The following BCAS1 variants were observed in gnomAD, a reference collection of about 807,000 sequenced individuals.
BCAS1 encodes brain enriched myelin associated protein 1.
Under a neutral mutation model 65.4 loss-of-function variants are expected in BCAS1, and 46 were observed. The observed-to-expected ratio is 0.70, with a 90% CI of 0.55 to 0.90. BCAS1 has a LOEUF of 0.90. Among genes scored for constraint, BCAS1 ranks in the 40% least tolerant of loss-of-function variants. The pLI, the probability that BCAS1 is intolerant of heterozygous loss-of-function variation, is 0.00. For synonymous variants in BCAS1, 298 were observed against 293.5 expected (o/e 1.02, Z -0.16); for missense variants, 793 against 771.2 (o/e 1.03, Z -0.33).
At chr20:53,974,623 CGGTTTCT>C (rs2090276971) in intron 9 of BCAS1, among the ~76,000 whole-genome samples, 1 of 152,184 alleles carries the variant, frequency 6.6e-6, no homozygotes, top group African/African-American at 2.4e-5. Context: ...TGATAATGTT[CGGTTTCT>C]ATCTCAAGGA....
intron 1 of BCAS1, 88 bp from the exon 2 acceptor site, chr20:54,058,811 C>A: frequency 6.9e-7 from 1 of 1,444,796 alleles, no homozygotes; most frequent in Non-Finnish European, 9.4e-7. Context: ...GCCTGACAAG[C>A]CGCCCATGGC....
chr20:53,958,233 G>T (rs2089763196), intron 10 of BCAS1, among the ~76,000 whole-genome samples: 1 of 152,204 alleles, frequency 6.6e-6, no homozygotes, highest in South Asian at 2.1e-4. Flanking sequence ...CAGCAAGTTG[G>T]CCATATACAG....
intron 4 of BCAS1, among the ~76,000 whole-genome samples, chr20:54,010,948 T>C (rs1217389873): frequency 6.6e-6 from 1 of 152,128 alleles, no homozygotes; most frequent in African/African-American, 2.4e-5. Context: ...CAGACGACTT[T>C]TGACAAAGGT....
chr20:54,069,587 G>T (rs1410464597), intron 1 of BCAS1, among the ~76,000 whole-genome samples: 1 of 152,152 alleles, frequency 6.6e-6, no homozygotes, highest in African/African-American at 2.4e-5. Context: ...TCTTCACCCA[G>T]CTTCATGTTC....
chr20:53,944,576 T>C lies in BCAS1; in HGVS notation c.*346A>G, dbSNP rs778735552. The C allele has an allele frequency of 2.0e-5, 5 of 243,920 alleles. No homozygotes were observed. Among genetic ancestry groups the C allele is most frequent in the East Asian group, 1.9e-4 (2 of 10,396 alleles). The allele number at this position is 243,920 out of a possible 1,614,324, so 15.1% of individuals were successfully genotyped here. A position where few individuals can be genotyped will look rare whatever the true frequency, so the allele number is the denominator to read the frequency against. On this transcript the variant is annotated 3_prime_UTR_variant, in exon 13 of 13. Coordinates refer to ENST00000688948, the MANE Select transcript of BCAS1 (RefSeq NM_001366298.2). Reference sequence around the variant, plus strand: ...CACCTGCCTCGGCCTCCCAAAGTGCTGAGATTACAGGCGAGAGCCACCACG... The same window carrying C: ...CACCTGCCTCGGCCTCCCAAAGTGCCGAGATTACAGGCGAGAGCCACCACG...
intron 4 of BCAS1, among the ~76,000 whole-genome samples, chr20:54,013,727 A>G (rs2091371735): frequency 6.6e-6 from 1 of 152,234 alleles, no homozygotes; most frequent in South Asian, 2.1e-4. Flanking sequence ...AACTCATGGT[A>G]CAACCATTCA....
chr20:54,009,589 A>T (rs2091278009), intron 4 of BCAS1, among the ~76,000 whole-genome samples: 1 of 152,210 alleles, frequency 6.6e-6, no homozygotes, highest in Non-Finnish European at 1.5e-5. Flanking sequence ...AAAAACTTCC[A>T]GGAAAGAAGT....
At chr20:53,981,263 T>A (rs1163382582) in intron 8 of BCAS1, among the ~76,000 whole-genome samples, 1 of 152,206 alleles carries the variant, frequency 6.6e-6, no homozygotes, top group Non-Finnish European at 1.5e-5. Context: ...GGTCAGCCCA[T>A]CTTTCAAGTG....
intron 3 of BCAS1, among the ~76,000 whole-genome samples, chr20:54,035,576 G>C (rs1212053047): frequency 6.6e-6 from 1 of 151,118 alleles, no homozygotes; most frequent in Non-Finnish European, 1.5e-5. Flanking sequence ...TGAGGTAGTG[G>C]AGAGAAAGGA....
chr20:53,959,480 C>T lies in BCAS1; in HGVS notation c.1486-1983G>A, dbSNP rs540881300. Reference sequence around the variant, plus strand: ...TGTTGGCCAGGCTGGTCTCAAACTCCTGACCTCAAATGATCCACCCGCCTC... The same window carrying T: ...TGTTGGCCAGGCTGGTCTCAAACTCTTGACCTCAAATGATCCACCCGCCTC... On this transcript the variant is annotated intron_variant, in intron 10 of 12. Transcript: ENST00000688948. Among the ~76,000 whole-genome samples the T allele has an allele frequency of 9.8e-5, 15 of 152,320 alleles. No homozygotes were observed. The South Asian group carries it at 3.1e-3, about 32-fold the overall frequency.
chr20:53,952,834 A>G (rs769451598), intron 12 of BCAS1, among the ~76,000 whole-genome samples: 6 of 152,234 alleles, frequency 3.9e-5, no homozygotes, highest in Non-Finnish European at 5.9e-5. Flanking sequence ...TGCTCATGCC[A>G]CTGGGCAGTG....
In BCAS1 at chr20:53,992,517, G is replaced by A; in HGVS notation, c.1057C>T (p.His353Tyr). ...LGLAFRKFFR[H>Y]KGAEKSPTTS... ...TACTTTAATAAGATACAGACCTTATGCCTAAAGAATTTTCTAAAGGCGAGT... is the reference window on the plus strand; with the variant it reads ...TACTTTAATAAGATACAGACCTTATACCTAAAGAATTTTCTAAAGGCGAGT... Residue 353 changes from histidine to tyrosine, a missense_variant, in exon 7 of 13, where the codon CAT becomes TAT. His to Tyr is a moderately conservative substitution (Grantham distance 83). Transcript: ENST00000688948. The A allele has an allele frequency of 2.2e-6, 3 of 1,365,598 alleles. No individual in the cohort carries two copies. Among genetic ancestry groups the A allele is most frequent in the Non-Finnish European group, 2.9e-6 (3 of 1,021,650 alleles). The allele number at this position is 1,365,598 out of a possible 1,614,324, so 84.6% of individuals were successfully genotyped here.
chr20:53,987,309 T>C (rs1232561046), intron 7 of BCAS1, among the ~76,000 whole-genome samples: 1 of 152,226 alleles, frequency 6.6e-6, no homozygotes, highest in Non-Finnish European at 1.5e-5. Context: ...GTATACAAAA[T>C]GGCAAAATGT....
intron 3 of BCAS1, among the ~76,000 whole-genome samples, chr20:54,032,321 C>A (rs1436231058): frequency 6.6e-6 from 1 of 151,226 alleles, no homozygotes; most frequent in Non-Finnish European, 1.5e-5. Context: ...TGCAACAGTT[C>A]CTAAAGGAAG....
intron 12 of BCAS1, 29 bp from the exon 13 acceptor site, chr20:53,945,025 C>A: frequency 1.9e-6 from 3 of 1,602,022 alleles, no homozygotes; most frequent in Non-Finnish European, 2.6e-6. Flanking sequence ...ACGTGGCAGC[C>A]TATTGAAGCT....
chr20:53,955,042 G>A (rs1412697030), intron 11 of BCAS1, among the ~76,000 whole-genome samples: 1 of 152,230 alleles, frequency 6.6e-6, no homozygotes, highest in Non-Finnish European at 1.5e-5. Context: ...CCGGATACAT[G>A]TGTATAAGCA....
At chr20:53,967,214 A>T (rs2090057872) in intron 9 of BCAS1, 141 bp from the exon 10 acceptor site, 3 of 821,642 alleles carry the variant, frequency 3.7e-6, no homozygotes, top group South Asian at 1.9e-5. Flanking sequence ...ACACAGGCAC[A>T]TCTTGGAGAA....
intron 3 of BCAS1, among the ~76,000 whole-genome samples, chr20:54,035,150 C>T (rs759759845): frequency 4.0e-5 from 6 of 151,148 alleles, no homozygotes; most frequent in Non-Finnish European, 7.4e-5. Flanking sequence ...TGGTGGCTCA[C>T]GCTTGTAATC....
At chr20:53,952,138 T>C (rs757554007) in intron 12 of BCAS1, among the ~76,000 whole-genome samples, 9 of 152,264 alleles carry the variant, frequency 5.9e-5, no homozygotes, top group Non-Finnish European at 1.3e-4. Context: ...TTGAGTACAA[T>C]GTTTTATCGA....
Sources: gnomAD v4.1 joint callset for allele counts (sites outside exome capture counted in the v4.1 genomes callset) on GRCh38, gnomAD v4.1.1 for gene constraint, MANE v1.5 for transcripts, NCBI Gene and HGNC (gene_info 2026-07-23, HGNC 2026-07-21) for gene names.